Variants in RAD51AP1 observed in about 807,000 individuals in gnomAD.
The protein encoded by RAD51AP1 is RAD51 associated protein 1.
Under a neutral mutation model 34.3 loss-of-function variants are expected in RAD51AP1, and 14 were observed. That is an observed-to-expected ratio of 0.41 (90% CI 0.27 to 0.64). The LOEUF is 0.64. RAD51AP1 is among the 30% of genes least tolerant of loss of function. The pLI, the probability that RAD51AP1 is intolerant of heterozygous loss-of-function variation, is 0.33. For synonymous variants in RAD51AP1, 114 were observed against 129.8 expected (o/e 0.88, Z 0.83); for missense variants, 348 against 386.9 (o/e 0.90, Z 0.84).
chr12:4,559,923 A>T lies in RAD51AP1; in HGVS notation c.*930A>T, dbSNP rs1444793658. The stretch of plus-strand genomic sequence containing the variant: ...AGCTTCTGATCAATTTTTAATAAAA[A>T]ATTTTCAAATCATGTTAGCTGTTAA... On this transcript the variant is annotated 3_prime_UTR_variant, in exon 9 of 9. Coordinates refer to ENST00000352618, the MANE Select transcript of RAD51AP1 (RefSeq NM_006479.5). 1.3e-5 allele frequency: 2 copies of T among 152,328 alleles called. No individual in the cohort carries two copies. The highest frequency in any genetic ancestry group is 1.9e-4 in the East Asian group (1 of 5,190). The allele number at this position is 152,328 out of a possible 1,614,324, so 9.4% of individuals were successfully genotyped here. A position where few individuals can be genotyped will look rare whatever the true frequency, so the allele number is the denominator to read the frequency against.
chr12:4,552,382 A>T (rs1262180943), intron 6 of RAD51AP1, among the ~76,000 whole-genome samples: 1 of 152,216 alleles, frequency 6.6e-6, no homozygotes, highest in Non-Finnish European at 1.5e-5. Context: ...GCAGAAAAGC[A>T]TTTTTGAGAA....
At chr12:4,539,023 G>T in intron 1 of RAD51AP1, 67 bp downstream of exon 1, 1 of 1,564,184 alleles carries the variant, frequency 6.4e-7, no homozygotes, top group South Asian at 1.1e-5. Context: ...AGACTAAGGG[G>T]AAAGGATCGA....
chr12:4,546,516 G>T, intron 4 of RAD51AP1, 98 bp downstream of exon 4: 2 of 778,808 alleles, frequency 2.6e-6, no homozygotes, highest in Middle Eastern at 2.4e-4. Flanking sequence ...GGTAAAATGT[G>T]AATACTTTGC....
Position 4,548,125 on chromosome 12 carries a change from C to T in RAD51AP1, c.353C>T (p.Thr118Ile). The change falls in exon 5 of 9, where the codon ACA becomes ATA. Residue 118 changes from threonine (T) to isoleucine (I), a missense_variant. Thr to Ile is a moderately conservative substitution (Grantham distance 89). Transcript: ENST00000352618. ...IEKHGSSKIE[T>I]MNKSPHISNC... ...AAACATGGCAGTAGTAAAATAGAAA[C>T]AATGAATAAGTCTCCTCATATCTCT... 6.2e-7 allele frequency: 1 copy of T among 1,600,526 alleles called. No individual in the cohort carries two copies. The highest frequency in any genetic ancestry group is 8.5e-7 in the Non-Finnish European group (1 of 1,176,620).
At chr12:4,541,969 G>A in intron 2 of RAD51AP1, 36 bp downstream of exon 2, 1 of 1,382,290 alleles carries the variant, frequency 7.2e-7, no homozygotes, top group Non-Finnish European at 9.8e-7. Context: ...CTAAAGATTT[G>A]GAAACTCATT....
chr12:4,552,933 GA>G (rs769665906), intron 6 of RAD51AP1, 49 bp from the exon 7 acceptor site: 28 of 1,470,728 alleles, frequency 1.9e-5, no homozygotes, highest in Non-Finnish European at 2.2e-5. Flanking sequence ...TAAGGCAACA[GA>G]ATCCTCACTT....
chr12:4,543,763 A>G lies in RAD51AP1; in HGVS notation c.68A>G (p.Asp23Gly), dbSNP rs751852463. 1.3e-6 allele frequency: 2 copies of G among 1,580,202 alleles called. No homozygotes were observed. Among genetic ancestry groups the G allele is most frequent in the Non-Finnish European group, 1.7e-6 (2 of 1,165,426 alleles). ...TTGGTTTTAATTCACACATGAATAG[A>G]TGATTTTGTTTCTGCAACTGTACCT... ...YSQFDHSDSD[D>G]DFVSATVPLN... The change falls in exon 3 of 9, where the codon GAT (aspartate) becomes GGT (glycine). Residue 23 changes from aspartate to glycine, a missense_variant and splice_region_variant. Physicochemically the swap from Asp to Gly is moderately conservative, Grantham distance 94. Coordinates refer to ENST00000352618, the MANE Select transcript of RAD51AP1 (RefSeq NM_006479.5).
Position 4,558,932 on chromosome 12 carries a change from G to C in RAD51AP1, c.947G>C (p.Arg316Pro). 4.3e-6 allele frequency: 7 copies of C among 1,614,098 alleles called. No homozygotes were observed. Among genetic ancestry groups the C allele is most frequent in the Non-Finnish European group, 5.9e-6 (7 of 1,179,978 alleles). Residue 316 changes from arginine to proline, a missense_variant, in exon 9 of 9, where the codon CGC (arginine) becomes CCC (proline). Coordinates refer to ENST00000352618, the MANE Select transcript of RAD51AP1 (RefSeq NM_006479.5). ...VSVKSPNQSL[R>P]LGLSRLARVK... ...GTGAAGTCTCCCAATCAGAGTCTCC[G>C]CCTTGGCTTGTCCAGATTAGCACGA...
rs745568718 is a variant in RAD51AP1, at chr12:4,546,402, G to A, written c.303G>A (p.Gln101=). 2.6e-5 allele frequency: 42 copies of A among 1,605,474 alleles called. 1 individual carries two copies. Among genetic ancestry groups the A allele is most frequent in the Admixed American group, 3.4e-5 (2 of 59,492 alleles). ...KELPTVTTNV[Q]NSQDKSIEKH... is the part of the protein sequence containing the mutation. ...TTCCAACAGTCACCACTAATGTGCA[G>A]AACTCTCAAGATAAAAGTAACTTTA... The change falls in exon 4 of 9, where the codon CAG becomes CAA. Residue 101 remains glutamine (Q), a synonymous_variant. Coordinates refer to ENST00000352618, the MANE Select transcript of RAD51AP1 (RefSeq NM_006479.5).
intron 7 of RAD51AP1, among the ~76,000 whole-genome samples, chr12:4,553,638 CTTT>C (rs71984552): frequency 7.0e-6 from 1 of 143,800 alleles, no homozygotes; most frequent in Non-Finnish European, 1.5e-5. Flanking sequence ...GTTTAGGGCC[CTTT>C]TTTTTTTTTT....
At chr12:4,547,256 G>T (rs921743785) in intron 4 of RAD51AP1, among the ~76,000 whole-genome samples, 30 of 151,932 alleles carry the variant, frequency 2.0e-4, no homozygotes, top group African/African-American at 6.8e-4. Context: ...GTAGAGAGGG[G>T]TCTCACTATG....
chr12:4,539,251 A>G (rs1234469136), intron 1 of RAD51AP1, among the ~76,000 whole-genome samples: 2 of 152,072 alleles, frequency 1.3e-5, no homozygotes, highest in Non-Finnish European at 2.9e-5. Context: ...GTGTTATTTT[A>G]TTTGTTTATC....
chr12:4,556,461 G>A lies in RAD51AP1; in HGVS notation c.830G>A (p.Ser277Asn), dbSNP rs1944583740. The A allele has an allele frequency of 6.2e-7, 1 of 1,613,524 alleles. No homozygotes were observed. The highest frequency in any genetic ancestry group is 1.7e-5 in the Admixed American group (1 of 59,994). The change falls in exon 8 of 9, where the codon AGT (serine) becomes AAT (asparagine). Residue 277 changes from serine to asparagine, a missense_variant. Transcript: ENST00000352618. ...DTTRKPLEIR[S>N]PSAESKKPKW... Reference sequence around the variant, plus strand: ...ACTAGGAAACCATTAGAAATACGCAGTCCTTCAGCTGAAAGCAAGAAACCT... The same window carrying A: ...ACTAGGAAACCATTAGAAATACGCAATCCTTCAGCTGAAAGCAAGAAACCT...
intron 7 of RAD51AP1, among the ~76,000 whole-genome samples, chr12:4,554,796 TTA>T (rs1307339199): frequency 1.3e-5 from 2 of 152,240 alleles, no homozygotes; most frequent in Non-Finnish European, 2.9e-5. Flanking sequence ...CTAGCACATG[TTA>T]TAATTTTCCC....
chr12:4,557,234 G>T (rs1944588954), intron 8 of RAD51AP1, among the ~76,000 whole-genome samples: 1 of 152,066 alleles, frequency 6.6e-6, no homozygotes, highest in Non-Finnish European at 1.5e-5. Flanking sequence ...TCCTCTGCCT[G>T]GTGTGTCTTT....
intron 3 of RAD51AP1, chr12:4,545,349 C>T (rs1354844738): frequency 2.8e-6 from 1 of 351,150 alleles, no homozygotes; most frequent in Non-Finnish European, 5.6e-6. Flanking sequence ...ATGAAATGTC[C>T]AGAATAGGCA....
At position 4,543,856 on chromosome 12, in the gene RAD51AP1, A is replaced by G. The variant is rs1944486826; in HGVS notation, c.161A>G (p.Asn54Ser). The G allele has an allele frequency of 1.2e-6, 2 of 1,612,820 alleles. No individual in the cohort carries two copies. The highest frequency in any genetic ancestry group is 1.3e-5 in the African/African-American group (1 of 74,878). ...KQDKPKPNLN[N>S]LRKEEIPVQE... The stretch of plus-strand genomic sequence containing the variant: ...GATAAACCAAAACCTAACTTGAACA[A>G]TCTCCGGAAAGAAGAAATCCCAGTA... The change falls in exon 3 of 9, where the codon AAT becomes AGT. Residue 54 changes from asparagine (N) to serine (S), a missense_variant. Transcript: ENST00000352618.
intron 8 of RAD51AP1, among the ~76,000 whole-genome samples, chr12:4,558,442 T>G (rs537204886): frequency 6.6e-6 from 1 of 152,288 alleles, no homozygotes; most frequent in South Asian, 2.1e-4. Context: ...AATAACAATA[T>G]TTGCCATTTT....
At chr12:4,550,124 A>C (rs1944535644) in intron 6 of RAD51AP1, among the ~76,000 whole-genome samples, 1 of 152,084 alleles carries the variant, frequency 6.6e-6, no homozygotes, top group African/African-American at 2.4e-5. Flanking sequence ...GGCCTTCCAG[A>C]TTTTCCTCTA....
Sources: gnomAD v4.1 joint callset for allele counts (sites outside exome capture counted in the v4.1 genomes callset) on GRCh38, gnomAD v4.1.1 for gene constraint, MANE v1.5 for transcripts, NCBI Gene and HGNC (gene_info 2026-07-23, HGNC 2026-07-21) for gene names.